Variants in MRPS5 observed in about 807,000 individuals in gnomAD.
MRPS5 encodes the protein small ribosomal subunit protein uS5m.
Under a neutral mutation model 51.9 loss-of-function variants are expected in MRPS5, and 27 were observed. The observed-to-expected ratio is 0.52, with a 90% CI of 0.38 to 0.72. MRPS5 has a LOEUF of 0.72. Among genes scored for constraint, MRPS5 ranks in the 30% least tolerant of loss-of-function variants. The pLI is 0.00. For missense variants in MRPS5, 570 were observed against 545.7 expected (o/e 1.04, Z -0.44); for synonymous variants, 196 against 193.2 (o/e 1.01, Z -0.12).
intron 10 of MRPS5, among the ~76,000 whole-genome samples, chr2:95,098,185 AAAC>A (rs1675684279): frequency 6.6e-6 from 1 of 152,210 alleles, no homozygotes; most frequent in South Asian, 2.1e-4. Context: ...AAAAGTCAGG[AAAC>A]AACAGGTGCT....
At chr2:95,089,763 T>A (rs1166104781) in intron 11 of MRPS5, among the ~76,000 whole-genome samples, 1 of 152,214 alleles carries the variant, frequency 6.6e-6, no homozygotes, top group Non-Finnish European at 1.5e-5. Context: ...CTCTTTTGAT[T>A]TTACTTTTCT....
rs182005527 is a variant in MRPS5, at chr2:95,108,989, A to C, written c.404-581T>G. The stretch of plus-strand genomic sequence containing the variant: ...TTAGGTATTTATGTATAAATACCTA[A>C]AATTTAATACATAAATACCTTTTTA... On this transcript the variant is annotated intron_variant, in intron 4 of 11. Transcript: ENST00000272418. 1.0e-3 allele frequency among the ~76,000 whole-genome samples: 156 copies of C among 152,194 alleles called. 3 individuals are homozygous for C. Among genetic ancestry groups the C allele is most frequent in the African/African-American group, 3.3e-3 (135 of 41,536 alleles).
chr2:95,117,313 G>C (rs1304857658), intron 2 of MRPS5, among the ~76,000 whole-genome samples: 11 of 151,728 alleles, frequency 7.2e-5, no homozygotes, highest in Admixed American at 7.2e-4. Context: ...ATTGCTATTT[G>C]TCTGACCAAT....
At chr2:95,095,033 A>G (rs1244690737) in intron 10 of MRPS5, among the ~76,000 whole-genome samples, 1 of 152,222 alleles carries the variant, frequency 6.6e-6, no homozygotes, top group Non-Finnish European at 1.5e-5. Context: ...ATGGAGGAAG[A>G]TCTACCAAGC....
At chr2:95,094,739 A>C (rs1675571034) in intron 10 of MRPS5, among the ~76,000 whole-genome samples, 1 of 152,238 alleles carries the variant, frequency 6.6e-6, no homozygotes, top group Non-Finnish European at 1.5e-5. Flanking sequence ...AGCACTCAAC[A>C]TGGAAAGGAA....
intron 7 of MRPS5, among the ~76,000 whole-genome samples, chr2:95,102,145 C>A (rs1248318080): frequency 6.6e-6 from 1 of 151,302 alleles, no homozygotes; most frequent in East Asian, 1.9e-4. Context: ...GAGCAAGACC[C>A]TGTCTCAAAA....
chr2:95,091,217 T>A (rs573439317), intron 10 of MRPS5: 90 of 153,298 alleles, frequency 5.9e-4, no homozygotes, highest in Non-Finnish European at 1.1e-3. Context: ...CCTGACCTCA[T>A]CTAGAGACAC....
intron 10 of MRPS5, among the ~76,000 whole-genome samples, chr2:95,098,828 A>G (rs961384332): frequency 1.3e-5 from 2 of 152,116 alleles, no homozygotes; most frequent in Non-Finnish European, 2.9e-5. Flanking sequence ...CCTAGAACTT[A>G]AAGTATAATT....
intron 4 of MRPS5, among the ~76,000 whole-genome samples, chr2:95,109,368 T>C (rs1382929042): frequency 6.6e-6 from 1 of 152,242 alleles, no homozygotes; most frequent in African/African-American, 2.4e-5. Flanking sequence ...CTATTTTTAC[T>C]CTTCCAAAAG....
In MRPS5 at chr2:95,103,058, T is replaced by C. The variant is rs148126475; in HGVS notation, c.764-1335A>G. Among the ~76,000 whole-genome samples, 23 of 152,262 alleles carry C rather than the reference T, an allele frequency of 1.5e-4. No individual in the cohort carries two copies. The East Asian group carries it at 3.1e-3, about 20-fold the overall frequency. On this transcript the variant is annotated intron_variant, in intron 7 of 11. Coordinates refer to ENST00000272418, the MANE Select transcript of MRPS5 (RefSeq NM_031902.5). The stretch of plus-strand genomic sequence containing the variant: ...GAAAATATGGGGAAACTTACTAACA[T>C]TTACAATCTTCAAATGAGGCTTTCT...
intron 7 of MRPS5, among the ~76,000 whole-genome samples, chr2:95,102,362 G>A (rs1348988565): frequency 6.6e-6 from 1 of 152,138 alleles, no homozygotes; most frequent in African/African-American, 2.4e-5. Context: ...TTTAAAGATA[G>A]ATTAAAATAA....
intron 1 of MRPS5, among the ~76,000 whole-genome samples, chr2:95,121,035 T>C (rs553809471): frequency 1.3e-5 from 2 of 152,202 alleles, no homozygotes; most frequent in South Asian, 4.2e-4. Flanking sequence ...GGAGAATCGC[T>C]TGAACCCGGG....
intron 3 of MRPS5, among the ~76,000 whole-genome samples, chr2:95,114,254 ATTTC>A (rs979747078): frequency 6.7e-6 from 1 of 150,268 alleles, no homozygotes; most frequent in African/African-American, 2.5e-5. Context: ...TATAATCCTA[ATTTC>A]TTTTTTTTTT....
At chr2:95,121,927 C>G, upstream of MRPS5, 1 of 1,048,062 alleles carries the variant, frequency 9.5e-7, no homozygotes, top group Non-Finnish European at 1.3e-6. Flanking sequence ...GCAGCGCAGG[C>G]CGGGGTGAGG....
At chr2:95,120,103 T>A (rs1486579227) in intron 1 of MRPS5, among the ~76,000 whole-genome samples, 2 of 152,090 alleles carry the variant, frequency 1.3e-5, no homozygotes, top group East Asian at 1.9e-4. Flanking sequence ...GCAATTACAA[T>A]CCTAAGTATA....
Position 95,108,386 on chromosome 2 carries a change from G to A in MRPS5, c.426C>T (p.Pro142=), listed in dbSNP as rs201367666. 26 of 1,613,868 alleles carry A rather than the reference G, an allele frequency of 1.6e-5. No homozygotes were observed. The highest frequency in any genetic ancestry group is 6.7e-5 in the African/African-American group (5 of 75,006). ...TTTTCATAAGAGGGACATTCAGTCC[G>A]GGCCATAGAAAACCATAACGCCCTG... ...IGEGRYGFLW[P]GLNVPLMKNG... The change falls in exon 5 of 12, where the codon CCC becomes CCT. Residue 142 remains proline (P), a synonymous_variant. Transcript: ENST00000272418.
At chr2:95,106,556 G>GA in intron 5 of MRPS5, 99 bp from the exon 6 acceptor site, 2 of 1,003,134 alleles carry the variant, frequency 2.0e-6, no homozygotes, top group Non-Finnish European at 3.2e-6. Context: ...CTTTCGGGGA[G>GA]AAAGAATCTC....
chr2:95,106,290 A>C (rs1229914512), intron 6 of MRPS5, 133 bp downstream of exon 6: 1 of 759,242 alleles, frequency 1.3e-6, no homozygotes. Flanking sequence ...AATTTTCCTT[A>C]CGCAGATCAG....
At chr2:95,120,730 G>T (rs1207427740) in intron 1 of MRPS5, among the ~76,000 whole-genome samples, 1 of 152,168 alleles carries the variant, frequency 6.6e-6, no homozygotes, top group Admixed American at 6.5e-5. Context: ...TGTAAAATGG[G>T]AACAGCAGTA....
Sources: allele counts gnomAD v4.1 joint callset (sites outside exome capture counted in the v4.1 genomes callset), GRCh38; gene constraint gnomAD v4.1.1; transcripts MANE v1.5; gene names NCBI Gene and HGNC (gene_info 2026-07-23, HGNC 2026-07-21).